The following ACSM3 variants were observed in gnomAD, a reference collection of about 807,000 sequenced individuals.
ACSM3 encodes acyl-CoA synthetase medium chain family member 3.
In ACSM3, 61 loss-of-function variants were observed where a neutral mutation model predicts 74.1. That is an observed-to-expected ratio of 0.82 (90% confidence interval 0.67 to 1.02). ACSM3 has a LOEUF of 1.02. Among genes scored for constraint, ACSM3 ranks in the 50% least tolerant of loss-of-function variants. ACSM3 has a pLI of 0.00. For missense variants in ACSM3, 660 were observed against 697.0 expected (o/e 0.95, Z 0.60); for synonymous variants, 213 against 241.5 (o/e 0.88, Z 1.09).
chr16:20,691,404 G>C (rs992184661), intron 1 of ACSM3: 1 of 497,976 alleles, frequency 2.0e-6, no homozygotes, highest in African/African-American at 2.0e-5. Context: ...CCCAGCTGAG[G>C]AACCACATGG....
intron 1 of ACSM3, among the ~76,000 whole-genome samples, chr16:20,718,810 C>T (rs1419652564): frequency 6.6e-6 from 1 of 152,158 alleles, no homozygotes; most frequent in Non-Finnish European, 1.5e-5. Flanking sequence ...TTTCACGTTA[C>T]CCTATTTTAT....
rs775210578 is a variant in ACSM3 at position 20,786,416 on chromosome 16, C to CA, written c.1224+259dup. 332 of 655,466 alleles carry CA rather than the reference C, an allele frequency of 5.1e-4. 1 individual carries two copies. The highest frequency in any genetic ancestry group is 6.6e-4 in the Non-Finnish European group (304 of 461,310). The allele number at this position is 655,466 out of a possible 1,614,324, so 40.6% of individuals were successfully genotyped here. On this transcript the variant is annotated intron_variant, in intron 9 of 13. Transcript: ENST00000289416. ...ACCCATTAGGCTGGATGCAGTGGCT[C>CA]ACGCCTGTAATCCCAACACTTTGGG...
At chr16:20,729,973 C>T (rs1381161870) in intron 1 of ACSM3, among the ~76,000 whole-genome samples, 1 of 152,154 alleles carries the variant, frequency 6.6e-6, no homozygotes, top group Non-Finnish European at 1.5e-5. Flanking sequence ...CACAGGTTAA[C>T]AATCCTCCAC....
chr16:20,759,080 G>A (rs962036469), upstream of ACSM3, among the ~76,000 whole-genome samples: 2 of 152,178 alleles, frequency 1.3e-5, no homozygotes, highest in Non-Finnish European at 2.9e-5. Context: ...TAGGGGTTCA[G>A]GATGAGGGCT....
intron 1 of ACSM3, chr16:20,679,041 T>G (rs1685773807): frequency 6.6e-6 from 1 of 152,238 alleles, no homozygotes; most frequent in Non-Finnish European, 1.5e-5. Flanking sequence ...ACAGACCCAG[T>G]ACACCCTTTC....
At chr16:20,739,921 T>C (rs545356943) in intron 1 of ACSM3, among the ~76,000 whole-genome samples, 1 of 152,132 alleles carries the variant, frequency 6.6e-6, no homozygotes, top group South Asian at 2.1e-4. Context: ...CCTGACAGTT[T>C]GAGGCAGAGA....
At chr16:20,792,539 T>C in intron 12 of ACSM3, 1 of 985,342 alleles carries the variant, frequency 1.0e-6, no homozygotes, top group Non-Finnish European at 1.2e-6. Context: ...ACAAACAAAA[T>C]AAGGCTGAAA....
intron 1 of ACSM3, among the ~76,000 whole-genome samples, 160 bp from the exon 2 acceptor site, chr16:20,769,824 T>A (rs1022252162): frequency 2.0e-5 from 3 of 152,192 alleles, no homozygotes. Flanking sequence ...AATAAGAAAG[T>A]GTCTATAAAA....
At chr16:20,772,740 C>G (rs2080208271) in intron 2 of ACSM3, among the ~76,000 whole-genome samples, 1 of 152,028 alleles carries the variant, frequency 6.6e-6, no homozygotes, top group South Asian at 2.1e-4. Flanking sequence ...ATGCCAATAC[C>G]ATGCTGTTTT....
At chr16:20,774,563 G>T (rs890539438) in intron 2 of ACSM3, among the ~76,000 whole-genome samples, 16 of 152,282 alleles carry the variant, frequency 1.1e-4, no homozygotes, top group African/African-American at 3.8e-4. Context: ...ATCTTTACAG[G>T]TGAAGTGAGT....
chr16:20,696,579 A>G (rs984710378), intron 1 of ACSM3, among the ~76,000 whole-genome samples: 1 of 152,248 alleles, frequency 6.6e-6, no homozygotes, highest in Non-Finnish European at 1.5e-5. Context: ...TTGGAGATTA[A>G]TTAAACTGAA....
intron 1 of ACSM3, among the ~76,000 whole-genome samples, chr16:20,717,904 G>A (rs6497515): frequency 0.79 from 108,952 of 137,424 alleles, 42,750 homozygotes; most frequent in Admixed American, 0.84. Context: ...GGAGAAGGAG[G>A]AAAAAAAGAA....
chr16:20,736,600 G>A (rs764046908), intron 1 of ACSM3: 71 of 355,434 alleles, frequency 2.0e-4, no homozygotes, highest in Non-Finnish European at 3.2e-4. Flanking sequence ...AAGTCAGCTG[G>A]CACTGCAGAA....
At chr16:20,693,686 T>C (rs549260188) in intron 1 of ACSM3, among the ~76,000 whole-genome samples, 3 of 152,352 alleles carry the variant, frequency 2.0e-5, no homozygotes, top group African/African-American at 7.2e-5. Context: ...TCCAGTTTGA[T>C]GCAGTTCCTA....
intron 3 of ACSM3, among the ~76,000 whole-genome samples, chr16:20,755,929 C>A (rs2080027816): frequency 6.6e-6 from 1 of 151,918 alleles, no homozygotes; most frequent in Non-Finnish European, 1.5e-5. Context: ...TGATGACTTC[C>A]AATTTCATCC....
At chr16:20,690,283 G>C (rs1169238576) in intron 1 of ACSM3, among the ~76,000 whole-genome samples, 2 of 152,156 alleles carry the variant, frequency 1.3e-5, no homozygotes, top group Non-Finnish European at 2.9e-5. Flanking sequence ...ATTGGCAGCT[G>C]GGAGTTAGTG....
chr16:20,704,712 A>G (rs906482843), intron 1 of ACSM3, among the ~76,000 whole-genome samples: 1 of 152,256 alleles, frequency 6.6e-6, no homozygotes, highest in African/African-American at 2.4e-5. Context: ...AATGTAGGAG[A>G]GTATAAAAGT....
At chr16:20,731,402 T>C (rs2079829704) in intron 1 of ACSM3, 1 of 165,204 alleles carries the variant, frequency 6.1e-6, no homozygotes, top group South Asian at 2.0e-4. Context: ...CTTAGCTTTC[T>C]TGAACCGCTG....
intron 1 of ACSM3, among the ~76,000 whole-genome samples, chr16:20,675,554 C>T (rs971322091): frequency 6.6e-6 from 1 of 152,212 alleles, no homozygotes; most frequent in East Asian, 1.9e-4. Flanking sequence ...AGCATGGAAA[C>T]CAACTCCTTT....
Sources: allele counts gnomAD v4.1 joint callset (sites outside exome capture counted in the v4.1 genomes callset), GRCh38; gene constraint gnomAD v4.1.1; transcripts MANE v1.5; gene names NCBI Gene and HGNC (gene_info 2026-07-23, HGNC 2026-07-21).